The following ADGRL2 variants were observed in gnomAD, a reference collection of about 807,000 sequenced individuals.
The protein encoded by ADGRL2 is adhesion G protein-coupled receptor L2, also known as calcium-independent alpha-latrotoxin receptor 2.
ADGRL2 carries 44 observed loss-of-function variants against 157.4 expected under a neutral mutation model. The observed-to-expected ratio is 0.28, with a 90% CI of 0.22 to 0.36. ADGRL2 has a LOEUF of 0.36. ADGRL2 is among the 10% of genes least tolerant of loss of function. ADGRL2 has a pLI of 1.00. For missense variants in ADGRL2, 1,510 were observed against 1,768.9 expected, an observed-to-expected ratio of 0.85 and a Z score of 2.63; for synonymous variants, 585 against 624.7, an observed-to-expected ratio of 0.94 and a Z score of 0.95.
At chr1:81,813,092 C>T (rs962615986) in intron 1 of ADGRL2, among the ~76,000 whole-genome samples, 1 of 151,578 alleles carries the variant, frequency 6.6e-6, no homozygotes. Flanking sequence ...TTTCATATTT[C>T]CTGCATACAC....
At chr1:81,909,302 T>C (rs1285691979) in intron 3 of ADGRL2, among the ~76,000 whole-genome samples, 2 of 152,156 alleles carry the variant, frequency 1.3e-5, no homozygotes, top group Non-Finnish European at 2.9e-5. Context: ...TATATCTCTT[T>C]CTCAAATATT....
At chr1:81,646,080 C>T (rs1350848087) in intron 3 of ADGRL2, among the ~76,000 whole-genome samples, 1 of 152,160 alleles carries the variant, frequency 6.6e-6, no homozygotes, top group Non-Finnish European at 1.5e-5. Context: ...GATCTTCTCA[C>T]TCATCGCAGT....
chr1:81,540,822 T>A (rs762985655), intron 2 of ADGRL2, among the ~76,000 whole-genome samples: 2 of 152,192 alleles, frequency 1.3e-5, no homozygotes, highest in African/African-American at 2.4e-5. Flanking sequence ...ACATCACTTT[T>A]GCTTTTGTTG....
At chr1:81,395,747 A>G (rs1214661437) in intron 1 of ADGRL2, among the ~76,000 whole-genome samples, 1 of 152,194 alleles carries the variant, frequency 6.6e-6, no homozygotes, top group Non-Finnish European at 1.5e-5. Flanking sequence ...GTCTAGTTTC[A>G]TTCTTCTGCA....
chr1:81,907,589 T>A (rs434619), intron 3 of ADGRL2, among the ~76,000 whole-genome samples: 118,389 of 152,080 alleles, frequency 0.78, 46,330 homozygotes, highest in East Asian at 0.94. Context: ...GTCTTTGGCA[T>A]TAGTTGCTAC....
At chr1:81,696,444 G>C (rs9725133), upstream of ADGRL2, among the ~76,000 whole-genome samples, 1 of 152,170 alleles carries the variant, frequency 6.6e-6, no homozygotes, top group East Asian at 1.9e-4. Flanking sequence ...ATGGAGAATG[G>C]GGCAGAGGCA....
At chr1:81,708,749 C>T (rs1384780662) in intron 1 of ADGRL2, among the ~76,000 whole-genome samples, 4 of 151,808 alleles carry the variant, frequency 2.6e-5, no homozygotes, top group Middle Eastern at 3.2e-3. Flanking sequence ...CTATAGAAAT[C>T]TCTGTTATGT....
rs141054995 is a variant in ADGRL2, at chr1:81,382,352, C to T, written c.-301-62684C>T. ...TCCATTATTATTGAGACTACTATTG[C>T]TATTTGAGTTTAAAATAATAACAAT... On this transcript the variant is annotated intron_variant, in intron 1 of 24. Coordinates refer to the ADGRL2 transcript ENST00000370721. 4.4e-3 allele frequency among the ~76,000 whole-genome samples: 676 copies of T among 152,172 alleles called. 2 individuals carry two copies. The highest frequency in any genetic ancestry group is 0.015 in the African/African-American group (636 of 41,496).
chr1:81,446,419 T>G (rs2101708906), intron 2 of ADGRL2, among the ~76,000 whole-genome samples: 1 of 152,326 alleles, frequency 6.6e-6, no homozygotes, highest in African/African-American at 2.4e-5. Flanking sequence ...CCATTAGCAC[T>G]TAATGAGCCT....
intron 2 of ADGRL2, among the ~76,000 whole-genome samples, chr1:81,524,760 T>G (rs111476805): frequency 0.02 from 3,096 of 152,144 alleles, 99 homozygotes; most frequent in African/African-American, 0.071. Context: ...GGAGAACATC[T>G]TGACTCAGGC....
intron 3 of ADGRL2, among the ~76,000 whole-genome samples, chr1:81,592,048 TA>T (rs1365324084): frequency 6.6e-6 from 1 of 152,180 alleles, no homozygotes; most frequent in Non-Finnish European, 1.5e-5. Flanking sequence ...GACAAAGCAA[TA>T]GATATCTAAT....
At chr1:81,705,936 C>A (rs1412855454) in intron 1 of ADGRL2, among the ~76,000 whole-genome samples, 1 of 151,758 alleles carries the variant, frequency 6.6e-6, no homozygotes, top group African/African-American at 2.4e-5. Flanking sequence ...TGGGGCCAGG[C>A]GCGGTGGCTC....
At chr1:81,512,941 C>T (rs549706321) in intron 2 of ADGRL2, among the ~76,000 whole-genome samples, 138 of 151,962 alleles carry the variant, frequency 9.1e-4, no homozygotes, top group African/African-American at 3.2e-3. Flanking sequence ...TAGTCCCCAA[C>T]GCTTGCTAAT....
chr1:81,853,798 A>G (rs1338631518), intron 2 of ADGRL2, among the ~76,000 whole-genome samples: 1 of 152,126 alleles, frequency 6.6e-6, no homozygotes, highest in Non-Finnish European at 1.5e-5. Flanking sequence ...GTTTCATAAT[A>G]TACTATGATG....
chr1:81,342,961 G>C (rs1397561574), intron 1 of ADGRL2, among the ~76,000 whole-genome samples: 1 of 151,846 alleles, frequency 6.6e-6, no homozygotes, highest in Non-Finnish European at 1.5e-5. Context: ...TGAGAAAAAA[G>C]TATGCAAGTA....
chr1:81,372,921 C>T (rs1202132407), intron 1 of ADGRL2, among the ~76,000 whole-genome samples: 1 of 152,114 alleles, frequency 6.6e-6, no homozygotes, highest in African/African-American at 2.4e-5. Context: ...ATGTCTTCTT[C>T]CAATGGTTCT....
intron 3 of ADGRL2, among the ~76,000 whole-genome samples, chr1:81,932,270 T>C (rs745766938): frequency 1.3e-5 from 2 of 152,206 alleles, no homozygotes; most frequent in Non-Finnish European, 2.9e-5. Context: ...TTGGTTCATA[T>C]GTGATGTATA....
intron 1 of ADGRL2, among the ~76,000 whole-genome samples, chr1:81,435,354 A>G (rs552516368): frequency 6.6e-6 from 1 of 152,350 alleles, no homozygotes; most frequent in East Asian, 1.9e-4. Flanking sequence ...TCATGTCCAA[A>G]GAACAACTTC....
chr1:81,617,737 T>A (rs1305351029), intron 3 of ADGRL2, among the ~76,000 whole-genome samples: 1 of 152,220 alleles, frequency 6.6e-6, no homozygotes, highest in African/African-American at 2.4e-5. Flanking sequence ...AGTGTTTCTT[T>A]AAATGGCGTT....
Sources: gnomAD v4.1 joint callset for allele counts (sites outside exome capture counted in the v4.1 genomes callset) on GRCh38, gnomAD v4.1.1 for gene constraint, MANE v1.5 for transcripts, NCBI Gene and HGNC (gene_info 2026-07-23, HGNC 2026-07-21) for gene names.